The following KIF1A variants were observed in gnomAD, a reference collection of about 807,000 sequenced individuals.
KIF1A encodes kinesin-like protein KIF1A.
In KIF1A, 46 loss-of-function variants were observed where a neutral mutation model predicts 227.3. That is an observed-to-expected ratio of 0.20 (90% CI 0.16 to 0.26). The LOEUF is 0.26. KIF1A is among the 10% of genes least tolerant of loss of function. The probability of loss-of-function intolerance (pLI) is 1.00; values close to 1 mark genes in which losing one functional copy is unlikely to be tolerated. For synonymous variants in KIF1A, 1,022 were observed against 1,012.8 expected, an observed-to-expected ratio of 1.01 and a Z score of -0.17; for missense variants, 1,683 against 2,485.9, an observed-to-expected ratio of 0.68 and a Z score of 6.87.
chr2:240,722,070 G>C (rs2045460518), intron 43 of KIF1A, among the ~76,000 whole-genome samples, 186 bp from the exon 44 acceptor site: 1 of 152,212 alleles, frequency 6.6e-6, no homozygotes, highest in African/African-American at 2.4e-5. Context: ...AAGTCTCCCA[G>C]GGTCAGGCAC....
chr2:240,774,117 C>T (rs2052404400), intron 12 of KIF1A, 66 bp downstream of exon 12: 1 of 1,050,324 alleles, frequency 9.5e-7, no homozygotes, highest in Admixed American at 1.9e-5. Context: ...CTAATTCAAG[C>T]ACGAGAGGAT....
At chr2:240,796,862 A>G (rs1319418237) in intron 2 of KIF1A, among the ~76,000 whole-genome samples, 3 of 151,804 alleles carry the variant, frequency 2.0e-5, no homozygotes, top group Non-Finnish European at 2.9e-5. Flanking sequence ...AAACCTAGGG[A>G]GGAAGCTTCC....
At chr2:240,734,778 G>A (rs1333461259) in intron 38 of KIF1A, 1 of 1,304,402 alleles carries the variant, frequency 7.7e-7, no homozygotes, top group Non-Finnish European at 1.0e-6. Flanking sequence ...CGGTTAGTGA[G>A]GGCCGGGCAG....
At chr2:240,743,027 G>GCGGGAGGGGT in intron 33 of KIF1A, 43 bp from the exon 34 acceptor site, 1 of 1,528,188 alleles carries the variant, frequency 6.5e-7, no homozygotes, top group South Asian at 1.2e-5. Context: ...GGGACCCTGG[G>GCGGGAGGGGT]CGGGAGGGGT....
Position 240,757,332 on chromosome 2 carries a change from T to A in KIF1A, c.2845A>T (p.Ser949Cys). Residue 949 changes from serine to cysteine, a missense_variant, in exon 27 of 49, where the codon AGT becomes TGT. Physicochemically the swap from Ser to Cys is moderately radical, Grantham distance 112. Around this residue, in one of 12 missense-constraint regions of KIF1A, gnomAD observed 759 missense variants for 1,020.2 expected, o/e 0.74. Transcript: ENST00000498729. The surrounding 1 kb of genome is among the most constrained non-coding windows in gnomAD (Gnocchi z 6.2). ...DPFYDRPPLF[S>C]LVGRAFVYLS... ...GACCTCACCAACCTTCCTACTAAACTGAACAGGGGGGGCCGGTCGTAAAAC... is the reference window on the plus strand; with the variant it reads ...GACCTCACCAACCTTCCTACTAAACAGAACAGGGGGGGCCGGTCGTAAAAC... The A allele has an allele frequency of 6.4e-7, 1 of 1,550,516 alleles. No homozygotes were observed. The highest frequency in any genetic ancestry group is 2.0e-5 in the Admixed American group (1 of 50,998).
chr2:240,726,916 C>T lies in KIF1A; in HGVS notation c.4032G>A (p.Ala1344=), dbSNP rs371203997. ...GAGAGTTGTGCATGGAGCTGTCCCA[C>T]GCAGCCTCAAATTGGTAAAAGGTCC... is the stretch of plus-strand genomic sequence containing the variant. The part of the protein sequence containing the change: ...DDRTFYQFEA[A]WDSSMHNSLL... The change falls in exon 39 of 49, where the codon GCG becomes GCA. Residue 1344 remains alanine, a synonymous_variant. Transcript: ENST00000498729. This position sits in a 1 kb window ranked among gnomAD's most constrained non-coding sequence, Gnocchi z 5.2. The T allele has an allele frequency of 6.6e-5, 106 of 1,608,872 alleles. No homozygotes were observed. The highest frequency in any genetic ancestry group is 7.9e-5 in the Non-Finnish European group (93 of 1,177,024).
chr2:240,793,745 T>C lies in KIF1A; in HGVS notation c.106+3902A>G, dbSNP rs1199431067. Among the ~76,000 whole-genome samples, 1 of 152,236 alleles carries C rather than the reference T, an allele frequency of 6.6e-6. No homozygotes were observed. Among genetic ancestry groups the C allele is most frequent in the Non-Finnish European group, 1.5e-5 (1 of 68,042 alleles). On this transcript the variant is annotated intron_variant, in intron 2 of 48. Coordinates refer to ENST00000498729, the MANE Select transcript of KIF1A (RefSeq NM_001244008.2). The surrounding 1 kb of genome is among the most constrained non-coding windows in gnomAD (Gnocchi z 4.8). ...ATTACGGGATAACAGTTAAATTTAC[T>C]TTCAAATGCTTCCAATTTCTGCGTC... is the stretch of plus-strand genomic sequence containing the variant.
At position 240,792,283 on chromosome 2, in the gene KIF1A, AT is replaced by A. The variant is rs1030377641; in HGVS notation, c.107-2972del. On this transcript the variant is annotated intron_variant, in intron 2 of 48. Transcript: ENST00000498729. This position sits in a 1 kb window ranked among gnomAD's most constrained non-coding sequence, Gnocchi z 4.5. ...AGGGCTTTTTTTGCCAGGGTCTGGA[AT>A]TTTTTCCTTGTGCAGGTTTGAGGAG... Among the ~76,000 whole-genome samples the A allele has an allele frequency of 1.3e-5, 2 of 151,682 alleles. No homozygotes were observed. The highest frequency in any genetic ancestry group is 3.2e-3 in the Middle Eastern group (1 of 312).
chr2:240,760,984 G>A (rs1294910927), intron 24 of KIF1A, 141 bp from the exon 25 acceptor site: 3 of 939,418 alleles, frequency 3.2e-6, no homozygotes, highest in Non-Finnish European at 1.6e-6. Context: ...ACAGCCGCCA[G>A]GGGGGACCAC....
chr2:240,737,309 A>G (rs2047452602), intron 37 of KIF1A, 141 bp from the exon 38 acceptor site: 3 of 673,752 alleles, frequency 4.5e-6, no homozygotes, highest in Middle Eastern at 3.0e-4. Context: ...TGCCAGGGGG[A>G]ACAGGGAGGC....
At chr2:240,750,131 G>A (rs925436595) in intron 28 of KIF1A, among the ~76,000 whole-genome samples, 1 of 152,266 alleles carries the variant, frequency 6.6e-6, no homozygotes, top group African/African-American at 2.4e-5. Flanking sequence ...GGCTCAGCCT[G>A]CACAGCCCCC....
chr2:240,782,778 C>A (rs1266214960), intron 9 of KIF1A, among the ~76,000 whole-genome samples, 171 bp from the exon 10 acceptor site: 2 of 152,222 alleles, frequency 1.3e-5, no homozygotes, highest in Admixed American at 6.5e-5. Flanking sequence ...CAGGGCCGCC[C>A]TTCCCGGGCC....
In KIF1A at chr2:240,757,426, C is replaced by CTCA. The variant is rs1553632585; in HGVS notation, c.2750_2751insTGA (p.Glu916_Glu917insAsp). On this transcript the variant is annotated inframe_insertion, in exon 27 of 49. Transcript: ENST00000498729. This position sits in a 1 kb window ranked among gnomAD's most constrained non-coding sequence, Gnocchi z 6.2. Reference sequence around the variant, plus strand: ...CCTCCAGGTCCTCCTCCTCCTCATCCTCCTCCTCCTCCTCCTCCTCCTCCT... The same window carrying CTCA: ...CCTCCAGGTCCTCCTCCTCCTCATCCTCATCCTCCTCCTCCTCCTCCTCCTCCT... 1.3e-5 allele frequency: 3 copies of CTCA among 236,122 alleles called. No homozygotes were observed. Among genetic ancestry groups the CTCA allele is most frequent in the African/African-American group, 1.4e-3 (2 of 1,406 alleles). 14.6% of individuals were successfully genotyped at this position (236,122 alleles called of 1,614,324 possible). A position where few individuals can be genotyped will look rare whatever the true frequency, so the allele number is the denominator to read the frequency against.
At chr2:240,760,884 G>A (rs757175120) in intron 24 of KIF1A, 41 bp from the exon 25 acceptor site, 2 of 1,567,442 alleles carry the variant, frequency 1.3e-6, no homozygotes, top group East Asian at 4.6e-5. Flanking sequence ...CTCCTTGGGG[G>A]ACAGGGTGCC....
In KIF1A at chr2:240,724,078, G is replaced by C. The variant is rs779014831; in HGVS notation, c.4257-42C>G. 3.2e-6 allele frequency: 5 copies of C among 1,551,614 alleles called. No homozygotes were observed. The Middle Eastern group carries it at 6.7e-4, about 209-fold the overall frequency. On this transcript the variant is annotated intron_variant, in intron 40 of 48. Coordinates refer to ENST00000498729, the MANE Select transcript of KIF1A (RefSeq NM_001244008.2). ...GAGTGACATGCAGTCACCAGGCCCC[G>C]CAACAGGGACACACAGCCAGCCTGG... is the stretch of plus-strand genomic sequence containing the variant.
At chr2:240,734,783 G>A (rs1454417147) in intron 38 of KIF1A, 25 of 1,303,396 alleles carry the variant, frequency 1.9e-5, no homozygotes, top group Admixed American at 4.6e-5. Flanking sequence ...AGTGAGGGCC[G>A]GGCAGCGCAG....
chr2:240,783,245 G>T, intron 8 of KIF1A, 136 bp from the exon 9 acceptor site: 1 of 749,828 alleles, frequency 1.3e-6, no homozygotes, highest in Non-Finnish European at 2.4e-6. Context: ...GGGGCCACTT[G>T]GGCGTGGGGT....
At position 240,758,158 on chromosome 2, in the gene KIF1A, C is replaced by T. The variant is rs2050095716; in HGVS notation, c.2582+202G>A. 6.6e-6 allele frequency among the ~76,000 whole-genome samples: 1 copy of T among 152,218 alleles called. No homozygotes were observed. Among genetic ancestry groups the T allele is most frequent in the South Asian group, 2.1e-4 (1 of 4,828 alleles). On this transcript the variant is annotated intron_variant, in intron 26 of 48. Transcript: ENST00000498729. This position sits in a 1 kb window ranked among gnomAD's most constrained non-coding sequence, Gnocchi z 5.2. Reference sequence around the variant, plus strand: ...CAGTGCCAAGACCCCATCCCACGTCCCCTGAAATAACAGGCCCTGTGGTGT... The same window carrying T: ...CAGTGCCAAGACCCCATCCCACGTCTCCTGAAATAACAGGCCCTGTGGTGT...
At chr2:240,734,383 C>T (rs1031267419) in intron 38 of KIF1A, among the ~76,000 whole-genome samples, 12 of 151,930 alleles carry the variant, frequency 7.9e-5, no homozygotes, top group African/African-American at 2.9e-4. Flanking sequence ...CAGGGTGTGG[C>T]GCGGGGCAGG....
Sources: allele counts gnomAD v4.1 joint callset (sites outside exome capture counted in the v4.1 genomes callset), GRCh38; gene constraint gnomAD v4.1.1; regional missense constraint gnomAD v4.1.1; non-coding constraint Gnocchi (gnomAD v3.1); transcripts MANE v1.5; gene names NCBI Gene and HGNC (gene_info 2026-07-23, HGNC 2026-07-21).